CMSS1: variants seen among roughly 807,000 people sequenced by gnomAD.
CMSS1 encodes protein CMSS1.
In CMSS1, 33 loss-of-function variants were observed where a neutral mutation model predicts 43.5. That is an observed-to-expected ratio of 0.76 (90% confidence interval 0.57 to 1.01). The LOEUF (loss-of-function observed/expected upper bound fraction) is 1.01, where lower values mean the gene tolerates loss of function less well. Among genes scored for constraint, CMSS1 ranks in the 50% least tolerant of loss-of-function variants. The pLI, the probability that CMSS1 is intolerant of heterozygous loss-of-function variation, is 0.00. For missense variants in CMSS1, 313 were observed against 326.4 expected (o/e 0.96, Z 0.32); for synonymous variants, 115 against 117.2 (o/e 0.98, Z 0.12).
chr3:99,926,672 A>C (rs1707302321), intron 1 of CMSS1, among the ~76,000 whole-genome samples: 1 of 152,364 alleles, frequency 6.6e-6, no homozygotes, highest in South Asian at 2.1e-4. Flanking sequence ...TGAATTACTA[A>C]AAGAGGCTTT....
At chr3:99,985,594 C>CTT (rs759661932) in intron 1 of CMSS1, among the ~76,000 whole-genome samples, 23 of 145,710 alleles carry the variant, frequency 1.6e-4, no homozygotes, top group Admixed American at 3.4e-4. Flanking sequence ...ATGAGAAAAG[C>CTT]TTTTTTTTTT....
At position 100,021,950 on chromosome 3, in the gene CMSS1, TGTGTGTGTGTGAGAGAGAGAGA is replaced by T. The variant is rs1317676549; in HGVS notation, c.65-125021_65-125000del. On this transcript the variant is annotated intron_variant, in intron 1 of 9. Coordinates refer to ENST00000421999, the MANE Select transcript of CMSS1 (RefSeq NM_032359.4). ...GTGTGTGTGTGTGTGTGTGTGTGTG[TGTGTGTGTGTGAGAGAGAGAGA>T]GAGAGAGAGAGAGAGAGAGAGATAT... Among the ~76,000 whole-genome samples, 209 of 128,974 alleles carry T rather than the reference TGTGTGTGTGTGAGAGAGAGAGA, an allele frequency of 1.6e-3. 1 individual carries two copies. Among genetic ancestry groups the T allele is most frequent in the Middle Eastern group, 0.011 (3 of 270 alleles). The allele number at this position is 128,974 out of a possible 152,430, so 84.6% of individuals were successfully genotyped here. A position where few individuals can be genotyped will look rare whatever the true frequency, so the allele number is the denominator to read the frequency against.
intron 1 of CMSS1, among the ~76,000 whole-genome samples, chr3:99,892,123 G>T (rs985304283): frequency 1.5e-4 from 23 of 152,166 alleles, no homozygotes; most frequent in African/African-American, 5.3e-4. Context: ...GAATATCACT[G>T]GAGTCTCATT....
chr3:100,098,769 G>A (rs542841743), intron 1 of CMSS1, among the ~76,000 whole-genome samples: 1 of 152,108 alleles, frequency 6.6e-6, no homozygotes, highest in Non-Finnish European at 1.5e-5. Context: ...CAAACCATTA[G>A]CAAGGATCTG....
At chr3:99,849,486 C>T (rs1310310530) in intron 1 of CMSS1, 1 of 1,613,402 alleles carries the variant, frequency 6.2e-7, no homozygotes, top group Non-Finnish European at 8.5e-7. Context: ...CTTCAGTTGC[C>T]ATGTATTCAT....
chr3:100,039,208 G>A (rs910381547), intron 1 of CMSS1, among the ~76,000 whole-genome samples: 2 of 152,136 alleles, frequency 1.3e-5, no homozygotes, highest in African/African-American at 4.8e-5. Flanking sequence ...AAACCATTAT[G>A]CATTTTATCT....
chr3:100,130,683 GC>G (rs1559766787), intron 1 of CMSS1, among the ~76,000 whole-genome samples: 1 of 152,250 alleles, frequency 6.6e-6, no homozygotes, highest in South Asian at 2.1e-4. Context: ...TTGTAATATA[GC>G]TATGCATACT....
intron 1 of CMSS1, among the ~76,000 whole-genome samples, chr3:100,022,102 T>C (rs1395602214): frequency 1.3e-5 from 2 of 152,168 alleles, no homozygotes; most frequent in Admixed American, 1.3e-4. Flanking sequence ...ATAGGGATTT[T>C]TAAAATTTTA....
chr3:99,998,456 T>G (rs1395709547), intron 1 of CMSS1, among the ~76,000 whole-genome samples: 2 of 152,180 alleles, frequency 1.3e-5, no homozygotes, highest in Non-Finnish European at 2.9e-5. Flanking sequence ...ATGTACATTT[T>G]TGAGATTAGA....
intron 7 of CMSS1, 135 bp downstream of exon 7, chr3:100,172,034 G>A: frequency 1.3e-6 from 1 of 741,410 alleles, no homozygotes; most frequent in Non-Finnish European, 2.2e-6. Flanking sequence ...AACTTTTCTG[G>A]TTTTTTAAAT....
chr3:100,074,062 G>A (rs1222579769), intron 1 of CMSS1, among the ~76,000 whole-genome samples: 1 of 152,084 alleles, frequency 6.6e-6, no homozygotes, highest in African/African-American at 2.4e-5. Context: ...GTTTGTGGGG[G>A]CCTTTTTTTT....
At chr3:99,891,692 T>C (rs1209794512) in intron 1 of CMSS1, among the ~76,000 whole-genome samples, 5 of 152,188 alleles carry the variant, frequency 3.3e-5, no homozygotes, top group Admixed American at 3.3e-4. Flanking sequence ...CTGAAAACTA[T>C]GTCTAAAAGG....
chr3:99,859,032 G>A (rs1465910479), intron 1 of CMSS1, among the ~76,000 whole-genome samples: 5 of 152,200 alleles, frequency 3.3e-5, no homozygotes, highest in African/African-American at 2.4e-5. Context: ...GCCTTCAAAT[G>A]TTCTCTCCCA....
chr3:99,821,803 T>C (rs1393821249), intron 1 of CMSS1, among the ~76,000 whole-genome samples: 2 of 152,158 alleles, frequency 1.3e-5, no homozygotes, highest in African/African-American at 4.8e-5. Flanking sequence ...CCCAGCACTT[T>C]GGGAGGCCAA....
chr3:100,162,458 A>C (rs2067032732), intron 4 of CMSS1, 26 bp downstream of exon 4: 1 of 1,599,700 alleles, frequency 6.3e-7, no homozygotes, highest in African/African-American at 1.3e-5. Context: ...AATTTTCCTA[A>C]AGACAAGGAG....
At chr3:100,140,192 T>C (rs924956339) in intron 1 of CMSS1, among the ~76,000 whole-genome samples, 7 of 152,220 alleles carry the variant, frequency 4.6e-5, no homozygotes, top group African/African-American at 1.7e-4. Context: ...AGCAGAGATT[T>C]GAACCCCAGA....
Position 100,172,301 on chromosome 3 carries a change from T to G in CMSS1, c.580-15T>G, listed in dbSNP as rs775561808. On this transcript the variant is annotated splice_polypyrimidine_tract_variant and intron_variant, in intron 7 of 9. Coordinates refer to ENST00000421999, the MANE Select transcript of CMSS1 (RefSeq NM_032359.4). ...AATGACTTCCTTTTCTTTCTTCTCT[T>G]TCATCTTGGAACAGGTCCAGGCGCA... 6 of 1,610,932 alleles carry G rather than the reference T, an allele frequency of 3.7e-6. No homozygotes were observed. The highest frequency in any genetic ancestry group is 3.4e-6 in the Non-Finnish European group (4 of 1,177,998).
intron 1 of CMSS1, among the ~76,000 whole-genome samples, chr3:100,038,472 G>GC (rs1437462838): frequency 7.2e-5 from 11 of 152,124 alleles, no homozygotes; most frequent in African/African-American, 2.7e-4. Context: ...GCGGAAACAG[G>GC]CAATACTACT....
At chr3:99,887,932 G>A (rs1013304063) in intron 1 of CMSS1, among the ~76,000 whole-genome samples, 14 of 151,922 alleles carry the variant, frequency 9.2e-5, no homozygotes, top group Admixed American at 5.3e-4. Context: ...TAAAGATGGG[G>A]TTTTGCCATG....
Sources: allele counts gnomAD v4.1 joint callset (sites outside exome capture counted in the v4.1 genomes callset), GRCh38; gene constraint gnomAD v4.1.1; transcripts MANE v1.5; gene names NCBI Gene and HGNC (gene_info 2026-07-23, HGNC 2026-07-21).